Variants in SPTLC3 observed in about 807,000 individuals in gnomAD.
SPTLC3 encodes the protein serine palmitoyltransferase 3.
Under a neutral mutation model 59.3 loss-of-function variants are expected in SPTLC3, and 36 were observed. The ratio of observed to expected loss-of-function variants is 0.61; its 90% CI spans 0.47 to 0.80. The LOEUF (loss-of-function observed/expected upper bound fraction) is 0.80, where lower values mean the gene tolerates loss of function less well. SPTLC3 is among the 30% of genes least tolerant of loss of function. The pLI is 0.00. For missense variants in SPTLC3, 625 were observed against 685.1 expected (o/e 0.91, Z 0.98); for synonymous variants, 257 against 240.8 (o/e 1.07, Z -0.62).
At chr20:13,150,339 A>G (rs1012845429) in intron 9 of SPTLC3, among the ~76,000 whole-genome samples, 2 of 152,182 alleles carry the variant, frequency 1.3e-5, no homozygotes, top group Non-Finnish European at 2.9e-5. Flanking sequence ...TTGTTTTTTT[A>G]GCACAAAGGA....
intron 1 of SPTLC3, among the ~76,000 whole-genome samples, chr20:13,033,380 T>C (rs1360407520): frequency 9.9e-5 from 15 of 152,190 alleles, no homozygotes; most frequent in Admixed American, 9.8e-4. Flanking sequence ...TCCTCACATT[T>C]CTTCAGAAAA....
intron 1 of SPTLC3, among the ~76,000 whole-genome samples, chr20:13,046,475 A>G (rs147841383): frequency 1.8e-3 from 270 of 152,248 alleles, no homozygotes; most frequent in African/African-American, 5.0e-3. Context: ...TTCATATCTA[A>G]TCAGTAGAAG....
intron 1 of SPTLC3, among the ~76,000 whole-genome samples, chr20:13,037,207 G>A (rs180964872): frequency 2.6e-5 from 4 of 152,156 alleles, no homozygotes; most frequent in East Asian, 1.9e-4. Context: ...CCCAATGGAC[G>A]TTCCCTCACT....
chr20:13,146,408 G>A (rs569776739), intron 9 of SPTLC3, among the ~76,000 whole-genome samples: 1 of 152,100 alleles, frequency 6.6e-6, no homozygotes, highest in African/African-American at 2.4e-5. Flanking sequence ...ATCTTCACAT[G>A]TACCCCGAAA....
chr20:13,164,820 G>C lies in SPTLC3; in HGVS notation c.1612G>C (p.Ala538Pro). 6.2e-7 allele frequency: 1 copy of C among 1,613,816 alleles called. No individual in the cohort carries two copies. The highest frequency in any genetic ancestry group is 8.5e-7 in the Non-Finnish European group (1 of 1,179,868). The change falls in exon 12 of 12, where the codon GCA (alanine) becomes CCA (proline). Residue 538 changes from alanine to proline, a missense_variant. Transcript: ENST00000399002. ...GAAATATTCCCGGCACAAGAAGTCA[G>C]CACGTCCTGAGCTCTATGATGAGAC... Reference protein sequence around the residue: ...QLKYSRHKKSARPELYDETSF... With the variant: ...QLKYSRHKKSPRPELYDETSF...
chr20:13,033,261 A>G (rs1042172452), intron 1 of SPTLC3, among the ~76,000 whole-genome samples: 1 of 152,234 alleles, frequency 6.6e-6, no homozygotes, highest in African/African-American at 2.4e-5. Context: ...GTCATAATAC[A>G]TAAGCCACCA....
At chr20:13,092,319 A>G (rs999166567) in intron 5 of SPTLC3, among the ~76,000 whole-genome samples, 1 of 152,248 alleles carries the variant, frequency 6.6e-6, no homozygotes, top group African/African-American at 2.4e-5. Context: ...CCTCAGAAAA[A>G]AATGGGAAGT....
At chr20:13,066,987 T>C (rs915908603) in intron 2 of SPTLC3, among the ~76,000 whole-genome samples, 1 of 150,784 alleles carries the variant, frequency 6.6e-6, no homozygotes, top group African/African-American at 2.4e-5. Flanking sequence ...TTTTGAACTG[T>C]TTATCCTTTA....
chr20:13,164,423 A>G (rs917107228), intron 11 of SPTLC3: 7 of 487,672 alleles, frequency 1.4e-5, no homozygotes, highest in African/African-American at 1.4e-4. Flanking sequence ...TTCTTCCACA[A>G]GACTACATAT....
chr20:13,140,641 GGA>G (rs2122881057), intron 9 of SPTLC3, among the ~76,000 whole-genome samples: 1 of 146,798 alleles, frequency 6.8e-6, no homozygotes, highest in East Asian at 2.0e-4. Context: ...CATATCTACA[GGA>G]TTAAAAAAAC....
At chr20:13,053,344 C>T (rs766719658) in intron 2 of SPTLC3, among the ~76,000 whole-genome samples, 2 of 152,082 alleles carry the variant, frequency 1.3e-5, no homozygotes, top group Non-Finnish European at 2.9e-5. Context: ...AAAGGAATAG[C>T]GTCAACATCA....
intron 2 of SPTLC3, among the ~76,000 whole-genome samples, chr20:13,057,232 G>A (rs1987767441): frequency 6.6e-6 from 1 of 152,098 alleles, no homozygotes; most frequent in African/African-American, 2.4e-5. Flanking sequence ...TAGGAGTGCA[G>A]AATACACTGC....
intron 2 of SPTLC3, among the ~76,000 whole-genome samples, chr20:13,065,592 G>C (rs892059287): frequency 6.6e-6 from 1 of 151,664 alleles, no homozygotes; most frequent in East Asian, 1.9e-4. Context: ...TCAAACATTG[G>C]CAATTCCATA....
intron 1 of SPTLC3, among the ~76,000 whole-genome samples, chr20:13,048,046 A>G (rs749741795): frequency 1.6e-4 from 25 of 152,204 alleles, no homozygotes; most frequent in Non-Finnish European, 2.6e-4. Flanking sequence ...AATAAGAATA[A>G]CAGGCTTTAA....
chr20:13,040,889 G>A (rs1986953705), intron 1 of SPTLC3, among the ~76,000 whole-genome samples: 2 of 151,714 alleles, frequency 1.3e-5, no homozygotes, highest in Non-Finnish European at 1.5e-5. Context: ...TAAAATATTT[G>A]TGCATTTTGA....
intron 9 of SPTLC3, among the ~76,000 whole-genome samples, chr20:13,153,044 G>A (rs968189350): frequency 1.3e-5 from 2 of 152,228 alleles, no homozygotes; most frequent in African/African-American, 4.8e-5. Context: ...ACGAAAGACT[G>A]TAGTGGCACA....
At chr20:13,076,554 G>T (rs1314480742) in intron 4 of SPTLC3, among the ~76,000 whole-genome samples, 1 of 151,810 alleles carries the variant, frequency 6.6e-6, no homozygotes, top group African/African-American at 2.4e-5. Context: ...TGTAACAAAA[G>T]AGGAAAGATA....
In SPTLC3 at chr20:13,168,157, T is replaced by C. The variant is rs1005827889; in HGVS notation, c.*3290T>C. 4 of 151,774 alleles carry C rather than the reference T, an allele frequency of 2.6e-5. No individual in the cohort carries two copies. Among genetic ancestry groups the C allele is most frequent in the African/African-American group, 9.7e-5 (4 of 41,300 alleles). The allele number at this position is 151,774 out of a possible 1,614,324, so 9.4% of individuals were successfully genotyped here. The stretch of plus-strand genomic sequence containing the variant: ...ATAAGATGCCCATTTGCTTTGAATG[T>C]GGTATCTTTCTTTTCTTTCTTTCTT... On this transcript the variant is annotated 3_prime_UTR_variant, in exon 12 of 12. Coordinates refer to ENST00000399002, the MANE Select transcript of SPTLC3 (RefSeq NM_018327.4).
intron 2 of SPTLC3, among the ~76,000 whole-genome samples, chr20:13,066,661 A>G (rs1267502212): frequency 6.6e-6 from 1 of 152,066 alleles, no homozygotes; most frequent in East Asian, 1.9e-4. Context: ...GTGAAACTTT[A>G]TTTGCTTTAA....
Sources: gnomAD v4.1 joint callset for allele counts (sites outside exome capture counted in the v4.1 genomes callset) on GRCh38, gnomAD v4.1.1 for gene constraint, MANE v1.5 for transcripts, NCBI Gene and HGNC (gene_info 2026-07-23, HGNC 2026-07-21) for gene names.